Variants in COL24A1 observed in about 807,000 individuals in gnomAD.
COL24A1 encodes the protein collagen alpha-1(XXIV) chain.
COL24A1 carries 224 observed loss-of-function variants against 253.9 expected under a neutral mutation model. The observed-to-expected ratio is 0.88, with a 90% CI of 0.79 to 0.99. The LOEUF is 0.99. Among genes scored for constraint, COL24A1 ranks in the 50% least tolerant of loss-of-function variants. The probability of loss-of-function intolerance (pLI) is 0.00; values close to 1 mark genes in which losing one functional copy is unlikely to be tolerated. For synonymous variants in COL24A1, 685 were observed against 673.7 expected, an observed-to-expected ratio of 1.02 and a Z score of -0.26; for missense variants, 2,131 against 2,068.5, an observed-to-expected ratio of 1.03 and a Z score of -0.59.
At chr1:85,907,953 A>C (rs1453309265) in intron 27 of COL24A1, among the ~76,000 whole-genome samples, 1 of 151,768 alleles carries the variant, frequency 6.6e-6, no homozygotes, top group Non-Finnish European at 1.5e-5. Context: ...CCTAATTTTA[A>C]AAGCCAACAA....
intron 6 of COL24A1, among the ~76,000 whole-genome samples, chr1:86,092,010 C>G (rs939595362): frequency 6.6e-6 from 1 of 152,044 alleles, no homozygotes. Flanking sequence ...CCATCCACCC[C>G]CTCATTGGCA....
At chr1:85,987,710 T>C (rs1693849513) in intron 19 of COL24A1, 56 bp from the exon 20 acceptor site, 1 of 1,478,704 alleles carries the variant, frequency 6.8e-7, no homozygotes, top group African/African-American at 1.4e-5. Flanking sequence ...TAAATCCATT[T>C]AGCATATAAA....
intron 22 of COL24A1, among the ~76,000 whole-genome samples, chr1:85,968,550 C>T (rs182764553): frequency 6.6e-6 from 1 of 152,184 alleles, no homozygotes. Context: ...TGAAAACCAT[C>T]CTATTATTAT....
chr1:85,804,222 A>T (rs905512284), intron 47 of COL24A1, among the ~76,000 whole-genome samples: 1 of 152,220 alleles, frequency 6.6e-6, no homozygotes, highest in Admixed American at 6.5e-5. Flanking sequence ...GGAGTGGTCT[A>T]TAAAAACAAA....
intron 19 of COL24A1, among the ~76,000 whole-genome samples, chr1:85,988,712 T>C (rs1002246197): frequency 2.6e-5 from 4 of 152,008 alleles, no homozygotes; most frequent in African/African-American, 9.7e-5. Context: ...GAATAAAAAA[T>C]ATGAAGTAAG....
At position 85,875,337 on chromosome 1, in the gene COL24A1, G is replaced by A. The variant is rs747310017; in HGVS notation, c.3031-7C>T. ...CCTCAGTGCCTGGAGGTCCCTACAA[G>A]AGAATAATTTAACACATTACAAAGG... On this transcript the variant is annotated splice_region_variant and splice_polypyrimidine_tract_variant and intron_variant, in intron 33 of 59. Transcript: ENST00000370571. 3.7e-6 allele frequency: 6 copies of A among 1,612,468 alleles called. No homozygotes were observed. Among genetic ancestry groups the A allele is most frequent in the Non-Finnish European group, 5.1e-6 (6 of 1,178,602 alleles).
At chr1:86,039,990 A>G (rs187417590) in intron 12 of COL24A1, among the ~76,000 whole-genome samples, 12 of 152,258 alleles carry the variant, frequency 7.9e-5, no homozygotes, top group Admixed American at 3.9e-4. Flanking sequence ...GTTTGGCCCA[A>G]TTCATGGGGG....
chr1:86,012,397 G>A (rs116398157), intron 19 of COL24A1, among the ~76,000 whole-genome samples: 4 of 152,142 alleles, frequency 2.6e-5, no homozygotes, highest in South Asian at 2.1e-4. Context: ...AGACTATCCC[G>A]GCTAACACAG....
chr1:86,080,543 C>G (rs1292248689), intron 7 of COL24A1, among the ~76,000 whole-genome samples: 1 of 151,598 alleles, frequency 6.6e-6, no homozygotes. Context: ...GTCATGCACC[C>G]CATGAATATA....
At chr1:85,830,422 G>C (rs1675064596) in intron 43 of COL24A1, among the ~76,000 whole-genome samples, 1 of 152,136 alleles carries the variant, frequency 6.6e-6, no homozygotes, top group Admixed American at 6.6e-5. Context: ...GAGGCAGGCA[G>C]GCCTCCTTGA....
chr1:86,063,020 C>CT (rs1248516093), intron 8 of COL24A1, among the ~76,000 whole-genome samples: 1 of 152,028 alleles, frequency 6.6e-6, no homozygotes, highest in Non-Finnish European at 1.5e-5. Context: ...TTTCTAATAT[C>CT]TTACCCTTTT....
chr1:85,960,545 A>G (rs1052778137), intron 24 of COL24A1, among the ~76,000 whole-genome samples: 7 of 152,138 alleles, frequency 4.6e-5, no homozygotes, highest in Non-Finnish European at 7.4e-5. Flanking sequence ...AAGAAAAACT[A>G]TCTTCAAGCT....
At chr1:86,115,642 C>A (rs904708420) in intron 3 of COL24A1, among the ~76,000 whole-genome samples, 1 of 152,106 alleles carries the variant, frequency 6.6e-6, no homozygotes, top group Non-Finnish European at 1.5e-5. Flanking sequence ...TTAAAGGGAC[C>A]ACAACTAGTA....
intron 20 of COL24A1, among the ~76,000 whole-genome samples, chr1:85,972,661 T>C (rs562245890): frequency 6.6e-6 from 1 of 151,056 alleles, no homozygotes; most frequent in African/African-American, 2.4e-5. Flanking sequence ...TGAGGGGAGG[T>C]GACTCCACCT....
At chr1:86,118,824 A>C (rs1706413326) in intron 3 of COL24A1, among the ~76,000 whole-genome samples, 2 of 152,170 alleles carry the variant, frequency 1.3e-5, no homozygotes, top group Admixed American at 1.3e-4. Context: ...GATAGGAATA[A>C]ATGAATGAGG....
At chr1:85,816,675 T>A in intron 47 of COL24A1, 113 bp downstream of exon 47, 1 of 810,298 alleles carries the variant, frequency 1.2e-6, no homozygotes, top group South Asian at 1.5e-5. Context: ...AGAAATGAAC[T>A]GGCTTAATCT....
intron 2 of COL24A1, among the ~76,000 whole-genome samples, chr1:86,142,631 G>C (rs1651324518): frequency 6.6e-6 from 1 of 151,244 alleles, no homozygotes; most frequent in African/African-American, 2.4e-5. Flanking sequence ...CTCACATAAA[G>C]TAGTACATAA....
At chr1:85,821,203 A>G (rs1673591514) in intron 45 of COL24A1, among the ~76,000 whole-genome samples, 2 of 152,154 alleles carry the variant, frequency 1.3e-5, no homozygotes, top group Non-Finnish European at 1.5e-5. Context: ...TGGTTCTGCA[A>G]TTGGTTTTGA....
chr1:85,808,677 G>T (rs1672228373), intron 47 of COL24A1, among the ~76,000 whole-genome samples: 1 of 152,180 alleles, frequency 6.6e-6, no homozygotes, highest in Non-Finnish European at 1.5e-5. Flanking sequence ...CACCCTAAAG[G>T]TGTACCAGAG....
Sources: allele counts gnomAD v4.1 joint callset (sites outside exome capture counted in the v4.1 genomes callset), GRCh38; gene constraint gnomAD v4.1.1; transcripts MANE v1.5; gene names NCBI Gene and HGNC (gene_info 2026-07-23, HGNC 2026-07-21).